The following CNTN5 variants were observed in gnomAD, a reference collection of about 807,000 sequenced individuals.
CNTN5 encodes contactin-5.
Under a neutral mutation model 129.1 loss-of-function variants are expected in CNTN5, and 77 were observed. That is an observed-to-expected ratio of 0.60 (90% CI 0.50 to 0.72). CNTN5 has a LOEUF of 0.72. Ranked by LOEUF, CNTN5 falls within the 30% of genes least tolerant of loss-of-function variation. The probability of loss-of-function intolerance (pLI) is 0.00; values close to 1 mark genes in which losing one functional copy is unlikely to be tolerated. For synonymous variants in CNTN5, 509 were observed against 465.6 expected, an observed-to-expected ratio of 1.09 and a Z score of -1.20; for missense variants, 1,478 against 1,328.8, an observed-to-expected ratio of 1.11 and a Z score of -1.75.
At chr11:99,515,161 T>A (rs1205508770) in intron 2 of CNTN5, among the ~76,000 whole-genome samples, 1 of 152,100 alleles carries the variant, frequency 6.6e-6, no homozygotes, top group African/African-American at 2.4e-5. Context: ...TTATACATAT[T>A]TGTTGAAGAA....
At chr11:99,863,243 T>C (rs1393085842) in intron 6 of CNTN5, among the ~76,000 whole-genome samples, 1 of 152,090 alleles carries the variant, frequency 6.6e-6, no homozygotes, top group Non-Finnish European at 1.5e-5. Flanking sequence ...AAAAAGCAGA[T>C]GCTTTTCTCT....
chr11:99,168,922 T>G (rs1014533286), intron 1 of CNTN5, among the ~76,000 whole-genome samples: 2 of 152,236 alleles, frequency 1.3e-5, no homozygotes, highest in Non-Finnish European at 2.9e-5. Context: ...TATCAGCTTT[T>G]AACCTTTGTG....
rs137976542 is a variant in CNTN5 at position 99,844,950 on chromosome 11, C to T, written c.376C>T (p.Arg126Cys). 9.3e-6 allele frequency: 15 copies of T among 1,613,438 alleles called. 1 individual carries two copies. Among genetic ancestry groups the T allele is most frequent in the African/African-American group, 5.3e-5 (4 of 75,012 alleles). Residue 126 changes from arginine to cysteine, a missense_variant, in exon 5 of 25, where the codon CGT becomes TGT. Transcript: ENST00000524871. ...EKKVALNCEVRGNPVPSYRWL... is the reference protein window; with the variant it reads ...EKKVALNCEVCGNPVPSYRWL... ...GAAGGTAGCATTGAATTGTGAAGTT[C>T]GTGGCAATCCAGTTCCCAGTTACAG...
chr11:99,341,461 G>T (rs2136056199), intron 2 of CNTN5, among the ~76,000 whole-genome samples: 1 of 152,162 alleles, frequency 6.6e-6, no homozygotes, highest in African/African-American at 2.4e-5. Context: ...TATGGAATTT[G>T]TCATCAGGAA....
chr11:99,941,637 T>C (rs556514390), intron 7 of CNTN5, among the ~76,000 whole-genome samples: 5 of 144,878 alleles, frequency 3.5e-5, no homozygotes, highest in African/African-American at 5.2e-5. Flanking sequence ...TTGATAGTTC[T>C]AGTTAAGGTC....
chr11:99,817,569 T>G (rs1014573709), intron 3 of CNTN5, among the ~76,000 whole-genome samples: 1 of 150,942 alleles, frequency 6.6e-6, no homozygotes, highest in African/African-American at 2.4e-5. Context: ...CATACTTCAC[T>G]GTAATTGTTA....
chr11:100,226,071 A>G (rs149015214), intron 16 of CNTN5, among the ~76,000 whole-genome samples: 195 of 152,180 alleles, frequency 1.3e-3, no homozygotes, highest in Non-Finnish European at 2.0e-3. Context: ...CTTCAAATTT[A>G]TATCTAGCAT....
intron 3 of CNTN5, among the ~76,000 whole-genome samples, chr11:99,810,567 T>C (rs1028058005): frequency 6.6e-6 from 1 of 152,120 alleles, no homozygotes; most frequent in Non-Finnish European, 1.5e-5. Context: ...ATAGAGTACA[T>C]CTGATTTGGG....
At chr11:99,219,456 A>G (rs1241905981) in intron 1 of CNTN5, among the ~76,000 whole-genome samples, 1 of 151,836 alleles carries the variant, frequency 6.6e-6, no homozygotes, top group Non-Finnish European at 1.5e-5. Context: ...TCTGGAGGAA[A>G]GCCATCCTAG....
chr11:99,983,714 T>A (rs10791080), intron 8 of CNTN5, among the ~76,000 whole-genome samples: 61,704 of 151,926 alleles, frequency 0.41, 13,543 homozygotes, highest in African/African-American at 0.56. Flanking sequence ...TAGATATGAT[T>A]TTGGAAAAGC....
chr11:99,549,212 G>A (rs1182422963), intron 2 of CNTN5, among the ~76,000 whole-genome samples: 1 of 151,370 alleles, frequency 6.6e-6, no homozygotes, highest in African/African-American at 2.4e-5. Context: ...TTCTTTTCCT[G>A]TAAGTGACAT....
chr11:99,956,361 T>A (rs1348655731), intron 7 of CNTN5, among the ~76,000 whole-genome samples: 2 of 152,176 alleles, frequency 1.3e-5, no homozygotes, highest in Non-Finnish European at 2.9e-5. Context: ...TTGCCTTTCT[T>A]TGATAAGTTT....
intron 7 of CNTN5, among the ~76,000 whole-genome samples, chr11:99,954,594 A>G (rs371025411): frequency 1.3e-5 from 2 of 152,316 alleles, no homozygotes; most frequent in South Asian, 4.1e-4. Context: ...TCAGGTTACA[A>G]TGTAATACTA....
intron 3 of CNTN5, among the ~76,000 whole-genome samples, chr11:99,580,787 G>A (rs1949554151): frequency 7.6e-6 from 1 of 131,008 alleles, no homozygotes; most frequent in Non-Finnish European, 1.6e-5. Context: ...ACCAGCTCCT[G>A]GATTCATTGA....
chr11:99,635,009 A>G (rs1951500514), intron 3 of CNTN5, among the ~76,000 whole-genome samples: 1 of 152,216 alleles, frequency 6.6e-6, no homozygotes, highest in Admixed American at 6.5e-5. Flanking sequence ...TAATATCTGT[A>G]TACATTTGTG....
chr11:99,971,073 G>C (rs1174374387), intron 8 of CNTN5, among the ~76,000 whole-genome samples: 3 of 152,118 alleles, frequency 2.0e-5, no homozygotes, highest in African/African-American at 7.2e-5. Flanking sequence ...TATTCTAAAA[G>C]CTTTTCCTTA....
intron 13 of CNTN5, among the ~76,000 whole-genome samples, chr11:100,145,472 C>T (rs1271380094): frequency 1.3e-5 from 2 of 152,112 alleles, no homozygotes; most frequent in Non-Finnish European, 1.5e-5. Context: ...AGGTGTTACA[C>T]ATTTGCAACA....
chr11:99,181,756 A>G (rs1467675922), intron 1 of CNTN5, among the ~76,000 whole-genome samples: 1 of 152,094 alleles, frequency 6.6e-6, no homozygotes, highest in Non-Finnish European at 1.5e-5. Flanking sequence ...GCAGGATCTG[A>G]TGGACACTGT....
chr11:100,296,325 G>C (rs952477173), intron 18 of CNTN5, among the ~76,000 whole-genome samples: 1 of 151,456 alleles, frequency 6.6e-6, no homozygotes, highest in African/African-American at 2.4e-5. Flanking sequence ...CATATTTACA[G>C]TTATTGCTCT....
Sources: gnomAD v4.1 joint callset for allele counts (sites outside exome capture counted in the v4.1 genomes callset) on GRCh38, gnomAD v4.1.1 for gene constraint, MANE v1.5 for transcripts, NCBI Gene and HGNC (gene_info 2026-07-23, HGNC 2026-07-21) for gene names.